DOCK10: variants seen among roughly 807,000 people sequenced by gnomAD.
DOCK10 encodes dedicator of cytokinesis protein 10.
A neutral mutation model predicts 280.1 loss-of-function variants in DOCK10; 145 were observed. The ratio of observed to expected loss-of-function variants is 0.52; its 90% CI spans 0.45 to 0.59. The LOEUF is 0.59. Ranked by LOEUF, DOCK10 falls within the 20% of genes least tolerant of loss-of-function variation. The probability of loss-of-function intolerance (pLI) is 0.00; values close to 1 mark genes in which losing one functional copy is unlikely to be tolerated. For synonymous variants in DOCK10, 915 were observed against 942.2 expected, an observed-to-expected ratio of 0.97 and a Z score of 0.53; for missense variants, 2,368 against 2,651.7, an observed-to-expected ratio of 0.89 and a Z score of 2.35.
intron 3 of DOCK10, among the ~76,000 whole-genome samples, chr2:224,905,828 C>T (rs1230915343): frequency 6.6e-6 from 1 of 152,142 alleles, no homozygotes; most frequent in Non-Finnish European, 1.5e-5. Flanking sequence ...TACACAGGGT[C>T]CTCTTTGCCT....
chr2:224,770,485 A>G lies in DOCK10; in HGVS notation c.6305+60T>C. 2 of 1,576,204 alleles carry G rather than the reference A, an allele frequency of 1.3e-6. No homozygotes were observed. Among genetic ancestry groups the G allele is most frequent in the Non-Finnish European group, 1.7e-6 (2 of 1,148,186 alleles). Reference sequence around the variant, plus strand: ...TTTTGGTGTGATGGATTCTTGGGGGATTGAGGACTCCCTGTCTCAGGAAGT... The same window carrying G: ...TTTTGGTGTGATGGATTCTTGGGGGGTTGAGGACTCCCTGTCTCAGGAAGT... On this transcript the variant is annotated intron_variant, in intron 54 of 55. Transcript: ENST00000258390. This position sits in a 1 kb window ranked among gnomAD's most constrained non-coding sequence, Gnocchi z 4.5.
intron 5 of DOCK10, 129 bp downstream of exon 5, chr2:224,886,330 G>C (rs975158228): frequency 1.4e-6 from 2 of 1,467,270 alleles, no homozygotes; most frequent in Non-Finnish European, 1.9e-6. Context: ...GACTCATTTT[G>C]ACTAAAAGCC....
At chr2:225,018,168 T>C (rs761954169) in intron 1 of DOCK10, among the ~76,000 whole-genome samples, 2 of 152,146 alleles carry the variant, frequency 1.3e-5, no homozygotes, top group African/African-American at 2.4e-5. Flanking sequence ...TCAAGAAACT[T>C]TTTTAAAAAT....
Position 224,765,645 on chromosome 2 carries a change from C to A in DOCK10, c.*76G>T. Reference sequence around the variant, plus strand: ...CCATGAAAACTTCAAATAAATTAAACCTATCTTTCTCTTCCCCGAGATTAG... The same window carrying A: ...CCATGAAAACTTCAAATAAATTAAAACTATCTTTCTCTTCCCCGAGATTAG... On this transcript the variant is annotated 3_prime_UTR_variant, in exon 56 of 56. Transcript: ENST00000258390. 9.8e-7 allele frequency: 1 copy of A among 1,018,766 alleles called. No homozygotes were observed. Among genetic ancestry groups the A allele is most frequent in the East Asian group, 2.7e-5 (1 of 36,826 alleles). The allele number at this position is 1,018,766 out of a possible 1,614,324, so 63.1% of individuals were successfully genotyped here.
intron 2 of DOCK10, among the ~76,000 whole-genome samples, chr2:224,918,828 G>A (rs914709881): frequency 1.3e-5 from 2 of 149,788 alleles, no homozygotes; most frequent in Non-Finnish European, 3.0e-5. Flanking sequence ...TGTATGTGTG[G>A]TGTGAATGTG....
chr2:225,034,796 ATG>A (rs1198503830), intron 1 of DOCK10, among the ~76,000 whole-genome samples: 3 of 152,226 alleles, frequency 2.0e-5, no homozygotes, highest in African/African-American at 7.2e-5. Flanking sequence ...AGTAAGAGCT[ATG>A]AAGACAACTA....
At chr2:224,967,644 T>C (rs1473197717) in intron 1 of DOCK10, among the ~76,000 whole-genome samples, 2 of 152,080 alleles carry the variant, frequency 1.3e-5, no homozygotes, top group Non-Finnish European at 2.9e-5. Context: ...GTGTTGTGTG[T>C]ACTACACCAT....
At chr2:224,768,004 C>A (rs1417737619) in intron 55 of DOCK10, among the ~76,000 whole-genome samples, 1 of 151,932 alleles carries the variant, frequency 6.6e-6, no homozygotes, top group Non-Finnish European at 1.5e-5. Flanking sequence ...ACCTCTGCCT[C>A]CTGAGTTCAA....
intron 3 of DOCK10, among the ~76,000 whole-genome samples, chr2:224,915,886 A>C (rs1168760232): frequency 6.6e-6 from 1 of 152,246 alleles, no homozygotes; most frequent in Non-Finnish European, 1.5e-5. Context: ...TTATACACCA[A>C]TAAAATGCAA....
intron 4 of DOCK10, among the ~76,000 whole-genome samples, chr2:224,889,325 G>C (rs531950617): frequency 2.0e-5 from 3 of 152,248 alleles, no homozygotes; most frequent in Non-Finnish European, 4.4e-5. Context: ...ATTTTCAGCA[G>C]GGAAAGTTAG....
At chr2:224,940,148 T>C (rs1702945551) in intron 1 of DOCK10, among the ~76,000 whole-genome samples, 1 of 152,146 alleles carries the variant, frequency 6.6e-6, no homozygotes, top group Non-Finnish European at 1.5e-5. Context: ...CAAATGTTGA[T>C]GAAAGGATTG....
chr2:224,921,164 T>C (rs925967305), intron 2 of DOCK10, among the ~76,000 whole-genome samples: 9 of 130,748 alleles, frequency 6.9e-5, no homozygotes, highest in African/African-American at 1.6e-4. Flanking sequence ...TAGCCGGGCA[T>C]GGTGGCGGGC....
At chr2:224,949,910 G>A (rs1206102739) in intron 1 of DOCK10, among the ~76,000 whole-genome samples, 1 of 152,184 alleles carries the variant, frequency 6.6e-6, no homozygotes, top group Non-Finnish European at 1.5e-5. Flanking sequence ...GCAGGCCAAA[G>A]CAGAATATTT....
At chr2:224,897,840 C>G (rs1700073107) in intron 3 of DOCK10, among the ~76,000 whole-genome samples, 1 of 152,146 alleles carries the variant, frequency 6.6e-6, no homozygotes, top group Admixed American at 6.5e-5. Context: ...TTTCCAAACA[C>G]CTACCATGCA....
intron 1 of DOCK10, among the ~76,000 whole-genome samples, chr2:224,987,461 G>A (rs1255287992): frequency 3.3e-5 from 5 of 151,836 alleles, no homozygotes; most frequent in African/African-American, 1.2e-4. Flanking sequence ...TAGAGCACCT[G>A]TCACCAAATA....
chr2:224,795,386 A>T (rs935302912), intron 44 of DOCK10, among the ~76,000 whole-genome samples: 2 of 152,144 alleles, frequency 1.3e-5, no homozygotes, highest in African/African-American at 4.8e-5. Context: ...AGCTCATGTG[A>T]TTTGAACAGG....
chr2:224,930,092 T>C (rs1702252358), intron 2 of DOCK10, among the ~76,000 whole-genome samples: 1 of 151,254 alleles, frequency 6.6e-6, no homozygotes, highest in Non-Finnish European at 1.5e-5. Flanking sequence ...TCCCAGCTAC[T>C]TGGGAGGCTG....
intron 3 of DOCK10, among the ~76,000 whole-genome samples, chr2:224,898,225 G>A (rs1396815290): frequency 1.3e-5 from 2 of 152,166 alleles, no homozygotes; most frequent in Admixed American, 1.3e-4. Flanking sequence ...GCAGGGCGAG[G>A]GGACGGGGCT....
At chr2:224,826,874 A>T (rs1050821455) in intron 27 of DOCK10, among the ~76,000 whole-genome samples, 1 of 152,008 alleles carries the variant, frequency 6.6e-6, no homozygotes, top group African/African-American at 2.4e-5. Flanking sequence ...GAGGTGAGAG[A>T]ATCACCTAAG....
Sources: allele counts gnomAD v4.1 joint callset (sites outside exome capture counted in the v4.1 genomes callset), GRCh38; gene constraint gnomAD v4.1.1; non-coding constraint Gnocchi (gnomAD v3.1); transcripts MANE v1.5; gene names NCBI Gene and HGNC (gene_info 2026-07-23, HGNC 2026-07-21).